The following AAMDC variants were observed in gnomAD, a reference collection of about 807,000 sequenced individuals.
AAMDC encodes the protein mth938 domain-containing protein.
In AAMDC, 16 loss-of-function variants were observed where a neutral mutation model predicts 15.5. The ratio of observed to expected loss-of-function variants is 1.03; its 90% confidence interval spans 0.70 to 1.57. AAMDC has a LOEUF of 1.57. Among genes scored for constraint, AAMDC ranks in the 40% most tolerant of loss-of-function variants. AAMDC has a pLI of 0.00. For missense variants in AAMDC, 141 were observed against 144.9 expected (o/e 0.97, Z 0.14); for synonymous variants, 51 against 51.6 (o/e 0.99, Z 0.05).
intron 1 of AAMDC, among the ~76,000 whole-genome samples, chr11:77,826,461 G>A (rs1291830811): frequency 6.6e-6 from 1 of 152,098 alleles, no homozygotes; most frequent in Non-Finnish European, 1.5e-5. Context: ...TTCAGAACAG[G>A]GATAATCATC....
intron 1 of AAMDC, among the ~76,000 whole-genome samples, chr11:77,833,009 A>ATATATATT (rs372585188): frequency 1.7e-5 from 1 of 60,036 alleles, no homozygotes; most frequent in African/African-American, 7.0e-5. Flanking sequence ...ATATATATAT[A>ATATATATT]TTTTTTTTTT....
At chr11:77,863,213 C>A (rs187477097) in intron 2 of AAMDC, among the ~76,000 whole-genome samples, 62 of 152,244 alleles carry the variant, frequency 4.1e-4, no homozygotes, top group Admixed American at 2.7e-3. Context: ...CGAACCCGGG[C>A]ACTTAGCCAT....
At chr11:77,832,717 C>G (rs980265044) in intron 1 of AAMDC, among the ~76,000 whole-genome samples, 31 of 151,340 alleles carry the variant, frequency 2.0e-4, no homozygotes, top group Non-Finnish European at 5.9e-5. Flanking sequence ...AAAAAGTCCT[C>G]CTACTCCCCA....
intron 5 of AAMDC, among the ~76,000 whole-genome samples, chr11:77,884,394 T>C (rs780330243): frequency 5.3e-5 from 8 of 152,138 alleles, no homozygotes; most frequent in Non-Finnish European, 1.0e-4. Flanking sequence ...TTTATCTCTC[T>C]CTCTACGGAG....
chr11:77,845,719 C>T (rs1436962960), intron 2 of AAMDC, among the ~76,000 whole-genome samples: 1 of 152,150 alleles, frequency 6.6e-6, no homozygotes, highest in East Asian at 1.9e-4. Flanking sequence ...TGAGCCACCA[C>T]ACCTAGCCCA....
chr11:77,856,662 C>T (rs1590958116), intron 2 of AAMDC, among the ~76,000 whole-genome samples: 1 of 152,206 alleles, frequency 6.6e-6, no homozygotes, highest in South Asian at 2.1e-4. Flanking sequence ...GAAGCTGGCA[C>T]ATCTTACATG....
intron 5 of AAMDC, among the ~76,000 whole-genome samples, chr11:77,900,261 G>A (rs1248943380): frequency 7.9e-5 from 12 of 151,854 alleles, no homozygotes; most frequent in Non-Finnish European, 1.3e-4. Flanking sequence ...CACCATGCCC[G>A]GCTAATTTTA....
chr11:77,863,439 C>T (rs1366115090), intron 2 of AAMDC, among the ~76,000 whole-genome samples: 1 of 152,168 alleles, frequency 6.6e-6, no homozygotes, highest in African/African-American at 2.4e-5. Flanking sequence ...AGAGTGAAAA[C>T]AGAGCTCCCA....
intron 5 of AAMDC, among the ~76,000 whole-genome samples, chr11:77,881,388 G>C (rs544689359): frequency 6.6e-6 from 1 of 152,244 alleles, no homozygotes; most frequent in African/African-American, 2.4e-5. Context: ...AGAAACTCCA[G>C]GCCCCATCAC....
chr11:77,835,257 T>A (rs1390674275), intron 1 of AAMDC, among the ~76,000 whole-genome samples: 1 of 152,192 alleles, frequency 6.6e-6, no homozygotes, highest in Non-Finnish European at 1.5e-5. Context: ...CCACTTTATC[T>A]CTTTATTCTG....
At chr11:77,904,609 A>T (rs1952885351), downstream of AAMDC, among the ~76,000 whole-genome samples, 1 of 152,220 alleles carries the variant, frequency 6.6e-6, no homozygotes, top group South Asian at 2.1e-4. Context: ...TATCAAATTA[A>T]ACAGTGGTAG....
At chr11:77,824,494 C>T (rs1949077989) in intron 1 of AAMDC, among the ~76,000 whole-genome samples, 1 of 152,084 alleles carries the variant, frequency 6.6e-6, no homozygotes, top group South Asian at 2.1e-4. Flanking sequence ...AAGTCAAAAA[C>T]AACACAAATA....
chr11:77,869,623 C>T, intron 2 of AAMDC, 99 bp from the exon 3 acceptor site: 1 of 1,177,880 alleles, frequency 8.5e-7, no homozygotes, highest in South Asian at 1.3e-5. Context: ...CAAAGTGAAC[C>T]TCAGTAGACA....
intron 3 of AAMDC, among the ~76,000 whole-genome samples, chr11:77,905,964 T>C (rs1176048238): frequency 2.0e-5 from 3 of 152,224 alleles, no homozygotes; most frequent in Non-Finnish European, 4.4e-5. Flanking sequence ...TATTAAGTGA[T>C]GTATAAAGTA....
At chr11:77,894,427 C>G (rs1000636029) in intron 5 of AAMDC, 37 of 741,042 alleles carry the variant, frequency 5.0e-5, no homozygotes, top group Non-Finnish European at 8.1e-5. Flanking sequence ...GAAACCTGAG[C>G]CTAAATTAAA....
Position 77,841,566 on chromosome 11 carries a change from C to T in AAMDC, c.-18-913C>T, listed in dbSNP as rs73495954. On this transcript the variant is annotated intron_variant, in intron 1 of 3. Transcript: ENST00000393427. ...TCCAGCTGTTGTATGTCTTCACTGG[C>T]TTTTACATTCTGCAAGGCCCTCTTG... is the stretch of plus-strand genomic sequence containing the variant. 1.8e-3 allele frequency among the ~76,000 whole-genome samples: 270 copies of T among 152,274 alleles called. 2 individuals carry two copies. Among genetic ancestry groups the T allele is most frequent in the Middle Eastern group, 6.8e-3 (2 of 294 alleles).
intron 2 of AAMDC, among the ~76,000 whole-genome samples, chr11:77,854,825 C>T (rs1047917235): frequency 2.0e-5 from 3 of 152,232 alleles, no homozygotes; most frequent in South Asian, 4.1e-4. Context: ...TCCAACCCCA[C>T]ATTTGCCCTC....
intron 1 of AAMDC, among the ~76,000 whole-genome samples, chr11:77,825,136 A>G (rs1449600405): frequency 6.6e-6 from 1 of 152,000 alleles, no homozygotes. Context: ...GTCTGCCACC[A>G]TGCCCGGCTA....
chr11:77,838,280 C>T (rs947276213), intron 1 of AAMDC, among the ~76,000 whole-genome samples: 1 of 152,116 alleles, frequency 6.6e-6, no homozygotes, highest in African/African-American at 2.4e-5. Flanking sequence ...TAATCAAATA[C>T]TAATCTAAGT....
Sources: gnomAD v4.1 joint callset for allele counts (sites outside exome capture counted in the v4.1 genomes callset) on GRCh38, gnomAD v4.1.1 for gene constraint, MANE v1.5 for transcripts, NCBI Gene and HGNC (gene_info 2026-07-23, HGNC 2026-07-21) for gene names.